SLC25A26: variants seen among roughly 807,000 people sequenced by gnomAD.
The protein encoded by SLC25A26 is solute carrier family 25 member 26.
SLC25A26 carries 36 observed loss-of-function variants against 37.8 expected under a neutral mutation model. The observed-to-expected ratio is 0.95, with a 90% CI of 0.73 to 1.26. SLC25A26 has a LOEUF of 1.26. Ranked by LOEUF, SLC25A26 falls within the 50% of genes most tolerant of loss-of-function variation. The pLI, the probability that SLC25A26 is intolerant of heterozygous loss-of-function variation, is 0.00. For synonymous variants in SLC25A26, 129 were observed against 122.5 expected (o/e 1.05, Z -0.35); for missense variants, 390 against 331.1 (o/e 1.18, Z -1.38).
chr3:66,227,167 A>ATTTTCATCC (rs1476935441), intron 1 of SLC25A26, among the ~76,000 whole-genome samples: 1 of 152,160 alleles, frequency 6.6e-6, no homozygotes, highest in Non-Finnish European at 1.5e-5. Context: ...AGTCTGGGAC[A>ATTTTCATCC]TTTTCATCCT....
chr3:66,178,802 T>C (rs951436930), intron 1 of SLC25A26, among the ~76,000 whole-genome samples: 10 of 152,182 alleles, frequency 6.6e-5, no homozygotes, highest in Non-Finnish European at 1.2e-4. Context: ...AAAGAAAACC[T>C]TCAAGAAAGT....
intron 5 of SLC25A26, among the ~76,000 whole-genome samples, chr3:66,290,690 T>A (rs1345485302): frequency 6.6e-6 from 1 of 152,228 alleles, no homozygotes; most frequent in Non-Finnish European, 1.5e-5. Context: ...GATAAGCTTG[T>A]CGGTGTGCTG....
chr3:66,338,136 A>G (rs182626100), intron 5 of SLC25A26, among the ~76,000 whole-genome samples: 1 of 152,114 alleles, frequency 6.6e-6, no homozygotes, highest in East Asian at 1.9e-4. Context: ...TTTGCTCAGT[A>G]TAACCTGTGT....
At chr3:66,295,672 G>A (rs1000753422) in intron 5 of SLC25A26, among the ~76,000 whole-genome samples, 2 of 151,588 alleles carry the variant, frequency 1.3e-5, no homozygotes, top group African/African-American at 4.8e-5. Flanking sequence ...AAGATTTTTT[G>A]TATTTTTAAT....
intron 1 of SLC25A26, among the ~76,000 whole-genome samples, chr3:66,173,855 A>G (rs2070535691): frequency 6.6e-6 from 1 of 152,122 alleles, no homozygotes; most frequent in Admixed American, 6.6e-5. Context: ...ATTCGAGACC[A>G]GCCTGGCCAA....
rs570895320 is a variant in SLC25A26, at chr3:66,273,600, A to G, written c.453+10221A>G. On this transcript the variant is annotated intron_variant, in intron 5 of 9. Coordinates refer to ENST00000354883, the MANE Select transcript of SLC25A26 (RefSeq NM_001379210.1). The stretch of plus-strand genomic sequence containing the variant: ...GTACAAAAATCACAAGCATTCTTAT[A>G]CACCAATAATAGACAGAGAGCCAAA... 2.2e-4 allele frequency among the ~76,000 whole-genome samples: 33 copies of G among 152,290 alleles called. No homozygotes were observed. In the South Asian group the frequency reaches 4.4e-3, roughly 20 times the overall value.
intron 1 of SLC25A26, among the ~76,000 whole-genome samples, chr3:66,197,005 C>T (rs1416440585): frequency 3.9e-5 from 6 of 152,136 alleles, no homozygotes; most frequent in South Asian, 2.1e-4. Flanking sequence ...TAAAATATGG[C>T]TTATATGTGG....
chr3:66,163,250 CT>C (rs2070384086), intron 1 of SLC25A26, among the ~76,000 whole-genome samples: 1 of 152,236 alleles, frequency 6.6e-6, no homozygotes, highest in Non-Finnish European at 1.5e-5. Flanking sequence ...ATGCCACAAT[CT>C]GTCAGGGGCC....
chr3:66,292,999 T>G (rs2074767759), intron 5 of SLC25A26: 2 of 152,108 alleles, frequency 1.3e-5, no homozygotes, highest in Non-Finnish European at 2.9e-5. Flanking sequence ...CATTCTTTTT[T>G]TCTCTAATCT....
At chr3:66,194,680 T>A (rs922004422) in intron 1 of SLC25A26, among the ~76,000 whole-genome samples, 6 of 152,196 alleles carry the variant, frequency 3.9e-5, no homozygotes, top group African/African-American at 1.4e-4. Context: ...TCTCGGCTCA[T>A]CGCAACCTCC....
chr3:66,254,015 C>T (rs1005631114), intron 3 of SLC25A26, among the ~76,000 whole-genome samples: 13 of 152,266 alleles, frequency 8.5e-5, no homozygotes, highest in South Asian at 2.1e-4. Flanking sequence ...CTGTATTACC[C>T]GTGACAGCAG....
chr3:66,265,307 A>G (rs2073701052), intron 5 of SLC25A26, among the ~76,000 whole-genome samples: 1 of 152,206 alleles, frequency 6.6e-6, no homozygotes, highest in Admixed American at 6.5e-5. Flanking sequence ...CCTGTCTCAA[A>G]AAAGAAAAAA....
intron 5 of SLC25A26, among the ~76,000 whole-genome samples, chr3:66,305,255 A>G (rs1314484071): frequency 6.6e-6 from 1 of 152,188 alleles, no homozygotes; most frequent in East Asian, 1.9e-4. Context: ...GTACATTGCT[A>G]TAATTTAAAG....
chr3:66,274,037 G>C (rs2074046020), intron 5 of SLC25A26, among the ~76,000 whole-genome samples: 1 of 152,114 alleles, frequency 6.6e-6, no homozygotes, highest in South Asian at 2.1e-4. Context: ...GCATGGTACT[G>C]GTACCAAAAC....
At chr3:66,180,119 A>G (rs935260880) in intron 1 of SLC25A26, among the ~76,000 whole-genome samples, 1 of 152,254 alleles carries the variant, frequency 6.6e-6, no homozygotes, top group African/African-American at 2.4e-5. Context: ...TCTGTGAAGT[A>G]GGATTCAAGG....
At chr3:66,271,525 G>A (rs549242011) in intron 5 of SLC25A26, among the ~76,000 whole-genome samples, 4 of 152,210 alleles carry the variant, frequency 2.6e-5, no homozygotes, top group Middle Eastern at 3.4e-3. Flanking sequence ...TGTTTATCTC[G>A]AAAACAAAAA....
chr3:66,305,930 G>A (rs1354334633), intron 5 of SLC25A26, among the ~76,000 whole-genome samples: 3 of 152,120 alleles, frequency 2.0e-5, no homozygotes, highest in Non-Finnish European at 4.4e-5. Flanking sequence ...TAGCGTAAAA[G>A]CATTCCTGTC....
intron 2 of SLC25A26, among the ~76,000 whole-genome samples, chr3:66,241,337 G>A (rs1383190342): frequency 1.3e-5 from 2 of 152,046 alleles, no homozygotes; most frequent in Non-Finnish European, 2.9e-5. Flanking sequence ...TCTGAACTAG[G>A]GAATTGCAAA....
chr3:66,134,261 T>C (rs1437738619), intron 1 of SLC25A26, among the ~76,000 whole-genome samples: 1 of 152,234 alleles, frequency 6.6e-6, no homozygotes, highest in East Asian at 1.9e-4. Context: ...TATTTTGTAA[T>C]GTTAGCCCTG....
Sources: allele counts gnomAD v4.1 joint callset (sites outside exome capture counted in the v4.1 genomes callset), GRCh38; gene constraint gnomAD v4.1.1; transcripts MANE v1.5; gene names NCBI Gene and HGNC (gene_info 2026-07-23, HGNC 2026-07-21).